Variants in LRRC4C observed in about 807,000 individuals in gnomAD.
LRRC4C encodes leucine-rich repeat-containing protein 4C.
LRRC4C carries 5 observed loss-of-function variants against 33.6 expected under a neutral mutation model. The ratio of observed to expected loss-of-function variants is 0.15; its 90% CI spans 0.08 to 0.31. LRRC4C has a LOEUF of 0.31. Ranked by LOEUF, LRRC4C falls within the 10% of genes least tolerant of loss-of-function variation. LRRC4C has a pLI of 1.00. For synonymous variants in LRRC4C, 329 were observed against 302.0 expected (o/e 1.09, Z -0.93); for missense variants, 560 against 796.7 (o/e 0.70, Z 3.58).
intron 2 of LRRC4C, among the ~76,000 whole-genome samples, chr11:40,710,855 C>G (rs1333914003): frequency 2.0e-5 from 3 of 152,190 alleles, no homozygotes; most frequent in Non-Finnish European, 4.4e-5. Flanking sequence ...TGGGCTCCAC[C>G]CAGTTCGAGC....
intron 2 of LRRC4C, among the ~76,000 whole-genome samples, chr11:40,865,127 C>T (rs867860302): frequency 6.6e-6 from 1 of 152,080 alleles, no homozygotes; most frequent in Non-Finnish European, 1.5e-5. Context: ...TAATTTGTAA[C>T]AACATGGTTA....
intron 2 of LRRC4C, among the ~76,000 whole-genome samples, chr11:40,874,482 A>T (rs1211739974): frequency 6.6e-6 from 1 of 152,180 alleles, no homozygotes; most frequent in Non-Finnish European, 1.5e-5. Flanking sequence ...GAATGAATAA[A>T]GCTTGGGAAT....
At chr11:41,184,050 G>A (rs948648310) in intron 1 of LRRC4C, among the ~76,000 whole-genome samples, 6 of 152,144 alleles carry the variant, frequency 3.9e-5, no homozygotes, top group Non-Finnish European at 7.4e-5. Flanking sequence ...ATGTTCCCAG[G>A]CTGCACACAG....
At chr11:40,662,104 C>T (rs534049087) in intron 2 of LRRC4C, among the ~76,000 whole-genome samples, 8 of 152,200 alleles carry the variant, frequency 5.3e-5, no homozygotes, top group Non-Finnish European at 1.0e-4. Flanking sequence ...TTAAAAGTTA[C>T]AAATCATGCT....
chr11:40,827,438 T>TA (rs1304084364), intron 2 of LRRC4C, among the ~76,000 whole-genome samples: 1 of 151,198 alleles, frequency 6.6e-6, no homozygotes, highest in Non-Finnish European at 1.5e-5. Flanking sequence ...AAAGAAAAAA[T>TA]AAAAAAAGTT....
chr11:41,142,348 A>G (rs1943544346), intron 1 of LRRC4C, among the ~76,000 whole-genome samples: 1 of 152,152 alleles, frequency 6.6e-6, no homozygotes, highest in East Asian at 1.9e-4. Context: ...GCATCACTTG[A>G]AAGTTCTGTT....
intron 5 of LRRC4C, among the ~76,000 whole-genome samples, chr11:40,152,397 C>G (rs1259364936): frequency 6.6e-6 from 1 of 152,136 alleles, no homozygotes; most frequent in Admixed American, 6.5e-5. Flanking sequence ...GAAGGAATTC[C>G]CTAGATGAAC....
At chr11:41,393,499 G>A (rs1283941149) in intron 1 of LRRC4C, among the ~76,000 whole-genome samples, 1 of 151,830 alleles carries the variant, frequency 6.6e-6, no homozygotes, top group Non-Finnish European at 1.5e-5. Context: ...GGGAGGAGGA[G>A]AGAGCAGCAA....
intron 1 of LRRC4C, among the ~76,000 whole-genome samples, chr11:41,388,317 A>G (rs1274130957): frequency 6.6e-6 from 1 of 151,842 alleles, no homozygotes; most frequent in Non-Finnish European, 1.5e-5. Flanking sequence ...TTGAAGTACT[A>G]GCCTTACACA....
chr11:41,338,769 T>C (rs1399612600), intron 1 of LRRC4C, among the ~76,000 whole-genome samples: 2 of 151,886 alleles, frequency 1.3e-5, no homozygotes, highest in Non-Finnish European at 2.9e-5. Flanking sequence ...AAATACAAAA[T>C]AGAAAAAGCA....
Position 40,885,993 on chromosome 11 carries a change from G to T in LRRC4C, c.-407+47642C>A, listed in dbSNP as rs114932739. Reference sequence around the variant, plus strand: ...CATCCCCATTACTGAAGAATTAATAGTGTCTGAAATATAAAATGTGCTGCC... The same window carrying T: ...CATCCCCATTACTGAAGAATTAATATTGTCTGAAATATAAAATGTGCTGCC... On this transcript the variant is annotated intron_variant, in intron 2 of 6. Transcript: ENST00000528697. Among the ~76,000 whole-genome samples, 280 of 152,154 alleles carry T rather than the reference G, an allele frequency of 1.8e-3. 1 individual carries two copies. The highest frequency in any genetic ancestry group is 6.4e-3 in the African/African-American group (265 of 41,544).
At chr11:40,798,388 C>G (rs769750858) in intron 2 of LRRC4C, among the ~76,000 whole-genome samples, 7 of 152,076 alleles carry the variant, frequency 4.6e-5, no homozygotes, top group Non-Finnish European at 1.0e-4. Context: ...GAATTTTGGC[C>G]ATAGGGGAAG....
chr11:40,770,000 C>A (rs1198410471), intron 2 of LRRC4C, among the ~76,000 whole-genome samples: 2 of 151,934 alleles, frequency 1.3e-5, no homozygotes, highest in African/African-American at 4.8e-5. Context: ...CAAAAATGAA[C>A]AAATAGTATC....
chr11:41,091,386 C>T (rs1217718832), intron 1 of LRRC4C, among the ~76,000 whole-genome samples: 1 of 151,882 alleles, frequency 6.6e-6, no homozygotes, highest in Non-Finnish European at 1.5e-5. Flanking sequence ...AAGCAGTAAA[C>T]AAATTGCTTA....
chr11:40,232,003 T>C (rs907927915), intron 5 of LRRC4C, among the ~76,000 whole-genome samples: 2 of 152,156 alleles, frequency 1.3e-5, no homozygotes, highest in African/African-American at 4.8e-5. Flanking sequence ...CTTTGTCTTT[T>C]AGCTAGGTAG....
chr11:41,085,997 C>T (rs961578099), intron 1 of LRRC4C, among the ~76,000 whole-genome samples: 12 of 150,706 alleles, frequency 8.0e-5, no homozygotes, highest in Admixed American at 7.9e-4. Flanking sequence ...TTTCTCTCTC[C>T]ACTTTTCAAA....
chr11:40,999,488 C>A (rs1854212672), intron 1 of LRRC4C, among the ~76,000 whole-genome samples: 1 of 152,016 alleles, frequency 6.6e-6, no homozygotes. Flanking sequence ...TATTAATATG[C>A]AAAACCATTA....
intron 1 of LRRC4C, among the ~76,000 whole-genome samples, chr11:41,149,569 G>A (rs1943897668): frequency 6.6e-6 from 1 of 150,586 alleles, no homozygotes; most frequent in Non-Finnish European, 1.5e-5. Flanking sequence ...CTTCAGTATA[G>A]CATTGGGAAA....
intron 1 of LRRC4C, among the ~76,000 whole-genome samples, chr11:41,388,514 G>A (rs1297441639): frequency 1.3e-5 from 2 of 151,826 alleles, no homozygotes; most frequent in African/African-American, 4.8e-5. Flanking sequence ...AATACTCCAC[G>A]AAAACAGAAG....
Sources: gnomAD v4.1 joint callset for allele counts (sites outside exome capture counted in the v4.1 genomes callset) on GRCh38, gnomAD v4.1.1 for gene constraint, MANE v1.5 for transcripts, NCBI Gene and HGNC (gene_info 2026-07-23, HGNC 2026-07-21) for gene names.